TYMS: variants seen among roughly 807,000 people sequenced by gnomAD.
TYMS encodes the protein thymidylate synthetase.
In TYMS, 21 loss-of-function variants were observed where a neutral mutation model predicts 39.3. That is an observed-to-expected ratio of 0.54 (90% CI 0.38 to 0.77). The LOEUF is 0.77. Ranked by LOEUF, TYMS falls within the 30% of genes least tolerant of loss-of-function variation. The pLI is 0.00. For missense variants in TYMS, 273 were observed against 406.7 expected (o/e 0.67, Z 2.83); for synonymous variants, 171 against 162.2 (o/e 1.05, Z -0.41).
In TYMS at chr18:658,222, G is replaced by A; in HGVS notation, c.205+275G>A. 3 of 1,515,582 alleles carry A rather than the reference G, an allele frequency of 2.0e-6. No homozygotes were observed. The highest frequency in any genetic ancestry group is 2.0e-5 in the Admixed American group (1 of 50,974). 93.9% of individuals were successfully genotyped at this position (1,515,582 alleles called of 1,614,324 possible). The stretch of plus-strand genomic sequence containing the variant: ...CCGGGCTCGCAGTCGCCCCAGTGAT[G>A]CCGTGGCCCCCGAGGCGGGCGTCAT... On this transcript the variant is annotated intron_variant, in intron 1 of 6. Transcript: ENST00000323274. The surrounding 1 kb of genome is among the most constrained non-coding windows in gnomAD (Gnocchi z 4.5).
At chr18:670,023 C>G in intron 4 of TYMS, among the ~76,000 whole-genome samples, 1 of 149,396 alleles carries the variant, frequency 6.7e-6, no homozygotes. Context: ...GAGTGAAATA[C>G]TTGCATCTGT....
chr18:667,113 TGATGGTGATGGTGATGGA>T (rs2074852496), intron 3 of TYMS, among the ~76,000 whole-genome samples: 1 of 67,254 alleles, frequency 1.5e-5, no homozygotes. Context: ...ATGGAGATGG[TGATGGTGATGGTGATGGA>T]GATGGTGATG....
rs2074921790 is a variant in TYMS at position 668,990 on chromosome 18, T to C, written c.455-82T>C. On this transcript the variant is annotated intron_variant, in intron 3 of 6. Transcript: ENST00000323274. ...CAAGGGGGGACCCTGGGTAAGAGAC[T>C]GTAATAGATGACCTCTAAGGCCATC... 4 of 1,166,942 alleles carry C rather than the reference T, an allele frequency of 3.4e-6. No individual in the cohort carries two copies. The South Asian group carries it at 5.4e-5, about 16-fold the overall frequency. The allele number at this position is 1,166,942 out of a possible 1,614,324, so 72.3% of individuals were successfully genotyped here.
Position 673,125 on chromosome 18 carries a change from T to C in TYMS, c.*128T>C, listed in dbSNP as rs538809790. ...AAAAATCTGTCCGTGACCTATCAGTTATTAATTTTTAAGGATGTTGCCACT... is the reference window on the plus strand; with the variant it reads ...AAAAATCTGTCCGTGACCTATCAGTCATTAATTTTTAAGGATGTTGCCACT... On this transcript the variant is annotated 3_prime_UTR_variant, in exon 7 of 7. Coordinates refer to ENST00000323274, the MANE Select transcript of TYMS (RefSeq NM_001071.4). 94 of 1,060,076 alleles carry C rather than the reference T, an allele frequency of 8.9e-5. 2 individuals carry two copies. The South Asian group carries it at 2.4e-3, about 27-fold the overall frequency. The allele number at this position is 1,060,076 out of a possible 1,614,324, so 65.7% of individuals were successfully genotyped here. A position where few individuals can be genotyped will look rare whatever the true frequency, so the allele number is the denominator to read the frequency against.
At chr18:662,456 G>A (rs1430771229) in intron 3 of TYMS, 136 bp downstream of exon 3, 2 of 719,264 alleles carry the variant, frequency 2.8e-6, no homozygotes, top group East Asian at 3.0e-5. Flanking sequence ...TGTGAGGGGT[G>A]GTGCCAGGTT....
At position 657,729 on chromosome 18, in the gene TYMS, C is replaced by A. The variant is rs1338190623; in HGVS notation, c.-14C>A. 2 of 1,331,224 alleles carry A rather than the reference C, an allele frequency of 1.5e-6. No homozygotes were observed. Among genetic ancestry groups the A allele is most frequent in the South Asian group, 2.1e-5 (1 of 47,698 alleles). 82.5% of individuals were successfully genotyped at this position (1,331,224 alleles called of 1,614,324 possible). ...GCGCCACTTCGCCTGCCTCCGTCCCCCGCCCGCCGCGCCATGCCTGTGGCC... is the reference window on the plus strand; with the variant it reads ...GCGCCACTTCGCCTGCCTCCGTCCCACGCCCGCCGCGCCATGCCTGTGGCC... On this transcript the variant is annotated 5_prime_UTR_variant, in exon 1 of 7. Coordinates refer to ENST00000323274, the MANE Select transcript of TYMS (RefSeq NM_001071.4).
chr18:664,231 A>C lies in TYMS; in HGVS notation c.454+1911A>C, dbSNP rs868620331. Among the ~76,000 whole-genome samples the C allele has an allele frequency of 1.2e-4, 19 of 152,120 alleles. No individual in the cohort carries two copies. In the South Asian group the frequency reaches 4.0e-3, roughly 32 times the overall value. ...GTAGTTCTCCTTGAAGAGGTCCTTC[A>C]CATCCCTTTTAAGGTGGATTCCTAG... On this transcript the variant is annotated intron_variant, in intron 3 of 6. Coordinates refer to ENST00000323274, the MANE Select transcript of TYMS (RefSeq NM_001071.4).
intron 3 of TYMS, among the ~76,000 whole-genome samples, chr18:662,994 T>G (rs1323869306): frequency 1.4e-5 from 2 of 144,888 alleles, no homozygotes; most frequent in African/African-American, 2.7e-5. Context: ...TGTGTCTTTA[T>G]AGCAGCATGA....
At chr18:667,094 GA>G (rs1363506765) in intron 3 of TYMS, among the ~76,000 whole-genome samples, 4 of 69,006 alleles carry the variant, frequency 5.8e-5, no homozygotes, top group Non-Finnish European at 1.1e-4. Context: ...GATGGTGATG[GA>G]GATGGAGATG....
intron 3 of TYMS, 26 bp downstream of exon 3, chr18:662,346 A>G: frequency 1.3e-6 from 2 of 1,574,598 alleles, no homozygotes; most frequent in East Asian, 2.3e-5. Context: ...AATGCCTTCC[A>G]TTTCCCGGGT....
chr18:663,086 G>A (rs1231971363), intron 3 of TYMS, among the ~76,000 whole-genome samples: 1 of 99,644 alleles, frequency 1.0e-5, no homozygotes, highest in African/African-American at 6.3e-5. Context: ...CTGAGGAATC[G>A]CCACACTGAC....
intron 1 of TYMS, among the ~76,000 whole-genome samples, chr18:659,063 G>C (rs1006014105): frequency 6.6e-6 from 1 of 152,160 alleles, no homozygotes; most frequent in African/African-American, 2.4e-5. Context: ...CATTGAGCAA[G>C]TTACTTCTCA....
intron 3 of TYMS, among the ~76,000 whole-genome samples, chr18:664,100 C>T (rs2074783690): frequency 6.7e-6 from 1 of 149,264 alleles, no homozygotes; most frequent in South Asian, 2.2e-4. Flanking sequence ...CTATAAATTA[C>T]CTTGGGCAGT....
At chr18:671,634 C>T in intron 6 of TYMS, 183 bp downstream of exon 6, 6 of 623,834 alleles carry the variant, frequency 9.6e-6, no homozygotes, top group Non-Finnish European at 1.7e-5. Context: ...CCTCAGCAAC[C>T]ATGGGCACTT....
At chr18:664,837 T>C (rs2074793046) in intron 3 of TYMS, among the ~76,000 whole-genome samples, 2 of 141,072 alleles carry the variant, frequency 1.4e-5, no homozygotes, top group South Asian at 4.8e-4. Flanking sequence ...TTTGTGTATA[T>C]TGAACCAGCC....
rs1363348656 is a variant in TYMS at position 658,115 on chromosome 18, T to C, written c.205+168T>C. The C allele has an allele frequency of 3.2e-6, 5 of 1,583,910 alleles. No individual in the cohort carries two copies. The highest frequency in any genetic ancestry group is 4.3e-6 in the Non-Finnish European group (5 of 1,169,118). On this transcript the variant is annotated intron_variant, in intron 1 of 6. Coordinates refer to ENST00000323274, the MANE Select transcript of TYMS (RefSeq NM_001071.4). This position sits in a 1 kb window ranked among gnomAD's most constrained non-coding sequence, Gnocchi z 4.5. ...GCCTTACAGACGCCGAAACGGAGGG[T>C]CCCATTAGGGACGTGACTGGCGCGG...
rs2074747434 is a variant in TYMS at position 660,580 on chromosome 18, G to A, written c.279+866G>A. ...AGTCAACATATATTGATCACTAAAT[G>A]TAGATACCACCTGTGTTCCCATGTT... On this transcript the variant is annotated intron_variant, in intron 2 of 6. Coordinates refer to ENST00000323274, the MANE Select transcript of TYMS (RefSeq NM_001071.4). This position sits in a 1 kb window ranked among gnomAD's most constrained non-coding sequence, Gnocchi z 4.6. Among the ~76,000 whole-genome samples, 1 of 152,210 alleles carries A rather than the reference G, an allele frequency of 6.6e-6. No homozygotes were observed. The highest frequency in any genetic ancestry group is 1.5e-5 in the Non-Finnish European group (1 of 68,050).
At chr18:669,497 C>T in intron 4 of TYMS, 1 of 207,666 alleles carries the variant, frequency 4.8e-6, no homozygotes, top group Non-Finnish European at 9.9e-6. Flanking sequence ...CTCAGCCTCC[C>T]AAGTAGCTGG....
At chr18:668,848 A>C (rs993424097) in intron 3 of TYMS, among the ~76,000 whole-genome samples, 24 of 152,108 alleles carry the variant, frequency 1.6e-4, no homozygotes, top group East Asian at 1.9e-4. Flanking sequence ...GTAGAAGAGG[A>C]AAAAGACTTT....
Sources: allele counts gnomAD v4.1 joint callset (sites outside exome capture counted in the v4.1 genomes callset), GRCh38; gene constraint gnomAD v4.1.1; non-coding constraint Gnocchi (gnomAD v3.1); transcripts MANE v1.5; gene names NCBI Gene and HGNC (gene_info 2026-07-23, HGNC 2026-07-21).